Variants in SLC39A11 observed in about 807,000 individuals in gnomAD.
SLC39A11 encodes zinc transporter ZIP11.
SLC39A11 carries 33 observed loss-of-function variants against 36.1 expected under a neutral mutation model. That is an observed-to-expected ratio of 0.91 (90% CI 0.69 to 1.22). The LOEUF is 1.22. SLC39A11 is among the 50% of genes most tolerant of loss of function. SLC39A11 has a pLI of 0.00. For missense variants in SLC39A11, 432 were observed against 430.3 expected, an observed-to-expected ratio of 1.00 and a Z score of -0.03; for synonymous variants, 166 against 170.3, an observed-to-expected ratio of 0.97 and a Z score of 0.20.
intron 5 of SLC39A11, among the ~76,000 whole-genome samples, chr17:72,916,840 C>A (rs2083364326): frequency 6.6e-6 from 1 of 152,218 alleles, no homozygotes; most frequent in African/African-American, 2.4e-5. Flanking sequence ...ACCAAACATG[C>A]CCAGACAGGG....
intron 6 of SLC39A11, chr17:72,838,924 C>T (rs1034193399): frequency 6.6e-6 from 1 of 152,182 alleles, no homozygotes; most frequent in Non-Finnish European, 1.5e-5. Context: ...TGGCAGCACT[C>T]TCCCCCATTC....
chr17:73,032,771 C>A (rs1020992188), intron 3 of SLC39A11, among the ~76,000 whole-genome samples: 4 of 152,148 alleles, frequency 2.6e-5, no homozygotes, highest in African/African-American at 9.7e-5. Context: ...CATCAATTAT[C>A]TCTAAAAAGG....
intron 6 of SLC39A11, among the ~76,000 whole-genome samples, chr17:72,828,471 G>A (rs1294951601): frequency 1.3e-5 from 2 of 152,234 alleles, no homozygotes; most frequent in African/African-American, 4.8e-5. Context: ...CACAGTAGGA[G>A]TGAAATGGAG....
At chr17:72,655,489 C>T (rs972563362) in intron 7 of SLC39A11, among the ~76,000 whole-genome samples, 5 of 152,188 alleles carry the variant, frequency 3.3e-5, no homozygotes, top group African/African-American at 4.8e-5. Context: ...TGGCATTGGG[C>T]CCCCTGTGTG....
intron 5 of SLC39A11, among the ~76,000 whole-genome samples, chr17:72,904,574 C>A (rs1460037588): frequency 6.6e-6 from 1 of 152,160 alleles, no homozygotes; most frequent in Non-Finnish European, 1.5e-5. Context: ...CTCGCAGCAA[C>A]AAGGAAGGTC....
chr17:72,966,786 G>A (rs1234268757), intron 4 of SLC39A11, among the ~76,000 whole-genome samples: 1 of 152,012 alleles, frequency 6.6e-6, no homozygotes, highest in Admixed American at 6.6e-5. Flanking sequence ...AGCCAGGATG[G>A]TCTTGATCTC....
rs2075061895 is a variant in SLC39A11 at position 72,749,311 on chromosome 17, C to CAA, written c.602-12593_602-12592insTT. Among the ~76,000 whole-genome samples the CAA allele has an allele frequency of 6.6e-5, 10 of 152,336 alleles. No individual in the cohort carries two copies. The South Asian group carries it at 2.1e-3, about 32-fold the overall frequency. On this transcript the variant is annotated intron_variant, in intron 6 of 9. Coordinates refer to ENST00000255559, the MANE Select transcript of SLC39A11 (RefSeq NM_139177.4). ...AACCCGGTAGCAAAGTTCCTTGACT[C>CAA]TGAAGTCAGAGCCTCATCAATCACC...
intron 4 of SLC39A11, chr17:72,992,791 T>C (rs760085148): frequency 1.3e-5 from 2 of 152,190 alleles, no homozygotes; most frequent in African/African-American, 2.4e-5. Context: ...TGGGTTCAGA[T>C]TGGCACATGG....
intron 6 of SLC39A11, among the ~76,000 whole-genome samples, chr17:72,849,016 TG>T (rs1428844214): frequency 1.3e-5 from 2 of 152,230 alleles, no homozygotes; most frequent in African/African-American, 4.8e-5. Context: ...ATATAGTGTA[TG>T]TTATATGTAT....
chr17:72,923,004 C>T (rs1286812560), intron 5 of SLC39A11, among the ~76,000 whole-genome samples: 5 of 110,522 alleles, frequency 4.5e-5, no homozygotes, highest in Non-Finnish European at 7.9e-5. Flanking sequence ...ACAGAAAATA[C>T]GAAACCCCCT....
At chr17:72,966,728 C>T (rs1299030312) in intron 4 of SLC39A11, among the ~76,000 whole-genome samples, 1 of 152,152 alleles carries the variant, frequency 6.6e-6, no homozygotes, top group Non-Finnish European at 1.5e-5. Flanking sequence ...CGCCACCACG[C>T]CCAGCTAATT....
intron 2 of SLC39A11, among the ~76,000 whole-genome samples, chr17:73,088,301 A>G (rs930304188): frequency 3.4e-5 from 5 of 149,030 alleles, no homozygotes; most frequent in African/African-American, 7.6e-5. Context: ...CTCAAAAAAA[A>G]AAAGAAAAAA....
chr17:72,736,467 C>G (rs1009440552), intron 7 of SLC39A11, among the ~76,000 whole-genome samples, 183 bp downstream of exon 7: 1 of 152,208 alleles, frequency 6.6e-6, no homozygotes, highest in African/African-American at 2.4e-5. Flanking sequence ...AAAGACTCCT[C>G]TCTTAGGAGA....
At chr17:73,051,414 C>T (rs984805318) in intron 3 of SLC39A11, among the ~76,000 whole-genome samples, 5 of 152,084 alleles carry the variant, frequency 3.3e-5, no homozygotes, top group Non-Finnish European at 7.4e-5. Context: ...AGGGTGAGGA[C>T]ATTTTCCAAC....
At chr17:72,648,364 C>T (rs1488800104) in intron 9 of SLC39A11, among the ~76,000 whole-genome samples, 2 of 141,880 alleles carry the variant, frequency 1.4e-5, no homozygotes, top group African/African-American at 5.2e-5. Flanking sequence ...CAAAACAAAA[C>T]AAAACAACAA....
chr17:72,834,375 A>C (rs2078423967), intron 6 of SLC39A11, among the ~76,000 whole-genome samples: 1 of 152,220 alleles, frequency 6.6e-6, no homozygotes, highest in Non-Finnish European at 1.5e-5. Context: ...TAATCCCAGC[A>C]CTTTGGGAAG....
rs113440168 is a variant in SLC39A11, at chr17:72,909,840, C to T, written c.430+37912G>A. Among the ~76,000 whole-genome samples the T allele has an allele frequency of 5.9e-3, 898 of 151,420 alleles. 27 individuals are homozygous for T. In the East Asian group the frequency reaches 0.079, roughly 13 times the overall value. On this transcript the variant is annotated intron_variant, in intron 5 of 9. Coordinates refer to ENST00000255559, the MANE Select transcript of SLC39A11 (RefSeq NM_139177.4). ...GGCTCACTGCAACCTCCGCTTCCCG[C>T]GTTCACGCCATTCTCCTGCTTCAGC... is the stretch of plus-strand genomic sequence containing the variant.
At chr17:72,761,413 C>T (rs758112237) in intron 6 of SLC39A11, among the ~76,000 whole-genome samples, 1 of 152,204 alleles carries the variant, frequency 6.6e-6, no homozygotes, top group Non-Finnish European at 1.5e-5. Context: ...TGCACCCAGC[C>T]CAGGCCTCCC....
At chr17:72,753,767 A>G (rs1164032841) in intron 6 of SLC39A11, among the ~76,000 whole-genome samples, 2 of 151,660 alleles carry the variant, frequency 1.3e-5, no homozygotes, top group Admixed American at 1.3e-4. Context: ...TTTCCCTAAC[A>G]GGCCTCCCTG....
Sources: allele counts gnomAD v4.1 joint callset (sites outside exome capture counted in the v4.1 genomes callset), GRCh38; gene constraint gnomAD v4.1.1; transcripts MANE v1.5; gene names NCBI Gene and HGNC (gene_info 2026-07-23, HGNC 2026-07-21).